Variants in PIP5K1B observed in about 807,000 individuals in gnomAD.
PIP5K1B encodes the protein phosphatidylinositol-4-phosphate 5-kinase type 1 beta.
A neutral mutation model predicts 67.0 loss-of-function variants in PIP5K1B; 42 were observed. That is an observed-to-expected ratio of 0.63 (90% CI 0.49 to 0.81). The LOEUF (loss-of-function observed/expected upper bound fraction) is 0.81. PIP5K1B is among the 30% of genes least tolerant of loss of function. The probability of loss-of-function intolerance (pLI) is 0.00; values close to 1 mark genes in which losing one functional copy is unlikely to be tolerated. For synonymous variants in PIP5K1B, 214 were observed against 231.4 expected (o/e 0.92, Z 0.68); for missense variants, 459 against 646.3 (o/e 0.71, Z 3.14).
intron 2 of PIP5K1B, among the ~76,000 whole-genome samples, chr9:68,798,114 C>A (rs1454770344): frequency 6.6e-6 from 1 of 151,782 alleles, no homozygotes; most frequent in Non-Finnish European, 1.5e-5. Flanking sequence ...AGAAAATAAT[C>A]TGTTGGAGCC....
At chr9:68,745,957 C>T (rs1426366168) in intron 2 of PIP5K1B, among the ~76,000 whole-genome samples, 2 of 151,926 alleles carry the variant, frequency 1.3e-5, no homozygotes, top group Non-Finnish European at 2.9e-5. Context: ...CTGTTTTATT[C>T]GGAAACTAAC....
chr9:68,791,556 A>C (rs1831971238), intron 2 of PIP5K1B, among the ~76,000 whole-genome samples: 1 of 152,128 alleles, frequency 6.6e-6, no homozygotes, highest in Non-Finnish European at 1.5e-5. Flanking sequence ...CTTTCCCTTG[A>C]TGCTCTCTTC....
rs144895862 is a variant in PIP5K1B at position 68,989,816 on chromosome 9, C to T, written c.1503-1324C>T. On this transcript the variant is annotated intron_variant, in intron 14 of 15. Coordinates refer to ENST00000265382, the MANE Select transcript of PIP5K1B (RefSeq NM_003558.4). ...CCAACATGGTGAAACCCCGTCTCTACGAAAAATACAAAAATTAGCCAGGCA... is the reference window on the plus strand; with the variant it reads ...CCAACATGGTGAAACCCCGTCTCTATGAAAAATACAAAAATTAGCCAGGCA... Among the ~76,000 whole-genome samples the T allele has an allele frequency of 4.7e-3, 711 of 152,106 alleles. 7 individuals carry two copies. Among genetic ancestry groups the T allele is most frequent in the African/African-American group, 0.016 (649 of 41,512 alleles).
chr9:68,746,189 G>C (rs960743045), intron 2 of PIP5K1B, among the ~76,000 whole-genome samples: 1 of 145,158 alleles, frequency 6.9e-6, no homozygotes, highest in Non-Finnish European at 1.5e-5. Context: ...TGCTACTCTT[G>C]TGCCTCAGCC....
chr9:68,863,999 T>C, intron 5 of PIP5K1B, 32 bp downstream of exon 5: 1 of 1,609,132 alleles, frequency 6.2e-7, no homozygotes, highest in Non-Finnish European at 8.5e-7. Context: ...ATGATTTCCA[T>C]GCTAAGGAAC....
At chr9:68,836,300 T>C (rs1275923771) in intron 4 of PIP5K1B, among the ~76,000 whole-genome samples, 4 of 152,222 alleles carry the variant, frequency 2.6e-5, no homozygotes, top group Admixed American at 2.6e-4. Flanking sequence ...CAGTGTTCTT[T>C]GGAATATTTG....
chr9:68,780,096 C>CAAAAAA, intron 2 of PIP5K1B: 17 of 1,430,228 alleles, frequency 1.2e-5, no homozygotes, highest in Admixed American at 8.7e-5. Context: ...GCGGCGGCGG[C>CAAAAAA]CCTGGACTGC....
intron 1 of PIP5K1B, among the ~76,000 whole-genome samples, chr9:68,720,735 T>C (rs935206688): frequency 2.6e-5 from 4 of 152,032 alleles, no homozygotes; most frequent in African/African-American, 9.7e-5. Context: ...GTGTAGAAAC[T>C]TCCCAAATAA....
At chr9:68,925,320 T>C (rs1184271548) in intron 12 of PIP5K1B, among the ~76,000 whole-genome samples, 2 of 152,154 alleles carry the variant, frequency 1.3e-5, no homozygotes, top group African/African-American at 2.4e-5. Context: ...ACTGCGCAGA[T>C]AGATTGTGCC....
intron 4 of PIP5K1B, among the ~76,000 whole-genome samples, chr9:68,837,863 T>C (rs887664020): frequency 3.3e-5 from 5 of 151,938 alleles, no homozygotes; most frequent in African/African-American, 1.2e-4. Context: ...TCTATTGTGA[T>C]TTTTGTTGAA....
intron 2 of PIP5K1B, among the ~76,000 whole-genome samples, chr9:68,750,070 G>C (rs1034459108): frequency 6.6e-6 from 1 of 152,202 alleles, no homozygotes; most frequent in Admixed American, 6.5e-5. Flanking sequence ...ATGTGTAAAG[G>C]CTTCAGAACA....
intron 14 of PIP5K1B, among the ~76,000 whole-genome samples, chr9:68,955,759 A>G (rs1587716659): frequency 6.6e-6 from 1 of 152,264 alleles, no homozygotes; most frequent in Middle Eastern, 3.4e-3. Context: ...TTTATGTAGT[A>G]TTTTACTGTA....
chr9:68,799,125 T>C (rs1272967865), intron 2 of PIP5K1B, among the ~76,000 whole-genome samples: 2 of 152,244 alleles, frequency 1.3e-5, no homozygotes, highest in African/African-American at 4.8e-5. Flanking sequence ...GAGCTGTCAG[T>C]TGGCTATATA....
chr9:68,914,717 T>TAA (rs33966149), intron 8 of PIP5K1B, among the ~76,000 whole-genome samples: 9 of 150,662 alleles, frequency 6.0e-5, no homozygotes, highest in African/African-American at 2.2e-4. Flanking sequence ...TCCATCTCAA[T>TAA]AAAAAAAATA....
At chr9:68,931,831 G>A (rs1387404288) in intron 12 of PIP5K1B, among the ~76,000 whole-genome samples, 1 of 152,122 alleles carries the variant, frequency 6.6e-6, no homozygotes, top group Non-Finnish European at 1.5e-5. Flanking sequence ...ACAAATCTAG[G>A]CGTTTCTGCC....
intron 14 of PIP5K1B, among the ~76,000 whole-genome samples, chr9:68,952,408 A>G (rs1483580496): frequency 6.6e-6 from 1 of 152,144 alleles, no homozygotes; most frequent in Non-Finnish European, 1.5e-5. Context: ...TCTCTGCTCC[A>G]TCATTCTGGG....
intron 15 of PIP5K1B, among the ~76,000 whole-genome samples, chr9:68,995,785 A>G (rs572779254): frequency 6.6e-6 from 1 of 150,784 alleles, no homozygotes; most frequent in Non-Finnish European, 1.5e-5. Flanking sequence ...AGCCTGGGCA[A>G]CAAGAGCAAA....
intron 2 of PIP5K1B, among the ~76,000 whole-genome samples, chr9:68,810,921 A>C (rs979952836): frequency 1.3e-5 from 2 of 152,236 alleles, no homozygotes; most frequent in Non-Finnish European, 2.9e-5. Context: ...ATTGTTTTTA[A>C]GTAGGAGAAA....
At chr9:68,867,147 C>CA (rs5898044) in intron 5 of PIP5K1B, among the ~76,000 whole-genome samples, 14,331 of 150,756 alleles carry the variant, frequency 0.095, 839 homozygotes, top group Non-Finnish European at 0.14. Context: ...ATCTTCCCTT[C>CA]AAAAAAAAAT....
Sources: gnomAD v4.1 joint callset for allele counts (sites outside exome capture counted in the v4.1 genomes callset) on GRCh38, gnomAD v4.1.1 for gene constraint, MANE v1.5 for transcripts, NCBI Gene and HGNC (gene_info 2026-07-23, HGNC 2026-07-21) for gene names.